The following CLTCL1 variants were observed in gnomAD, a reference collection of about 807,000 sequenced individuals.
CLTCL1 encodes clathrin heavy chain 2.
In CLTCL1, 159 loss-of-function variants were observed where a neutral mutation model predicts 190.0. That is an observed-to-expected ratio of 0.84 (90% CI 0.74 to 0.95). The LOEUF is 0.95. Ranked by LOEUF, CLTCL1 falls within the 40% of genes least tolerant of loss-of-function variation. The pLI is 0.00. For missense variants in CLTCL1, 1,878 were observed against 2,033.4 expected, an observed-to-expected ratio of 0.92 and a Z score of 1.47; for synonymous variants, 752 against 769.6, an observed-to-expected ratio of 0.98 and a Z score of 0.38.
rs202057060 is a variant in CLTCL1, at chr22:19,275,649, G to C, written c.224C>G (p.Pro75Arg). ...PISAESAIMN[P>R]ASKVIALKAG... ...TTTCAGAGCTATCACCTTAGAGGCT[G>C]GATTCATGATGGCACTCTCTGCAGA... is the stretch of plus-strand genomic sequence containing the variant. Residue 75 changes from proline (P) to arginine (R), a missense_variant, in exon 2 of 33, where the codon CCA (proline) becomes CGA (arginine). Coordinates refer to ENST00000427926, the MANE Select transcript of CLTCL1 (RefSeq NM_007098.4). 1.1e-5 allele frequency: 18 copies of C among 1,605,970 alleles called. No homozygotes were observed. Among genetic ancestry groups the C allele is most frequent in the Non-Finnish European group, 1.7e-6 (2 of 1,176,134 alleles).
rs1204022085 is a variant in CLTCL1 at position 19,264,792 on chromosome 22, A to AT, written c.251-10566dup. ...CAACTCAATGGTGAAATTTCATGCA[A>AT]TTTTTTTTTTTTTGAGACAGAGTTT... On this transcript the variant is annotated intron_variant, in intron 2 of 32. Coordinates refer to ENST00000427926, the MANE Select transcript of CLTCL1 (RefSeq NM_007098.4). Among the ~76,000 whole-genome samples, 1,280 of 145,874 alleles carry AT rather than the reference A, an allele frequency of 8.8e-3. 17 individuals are homozygous for AT. The highest frequency in any genetic ancestry group is 0.076 in the East Asian group (381 of 5,032).
At chr22:19,200,380 G>A (rs1385007226) in intron 23 of CLTCL1, among the ~76,000 whole-genome samples, 1 of 152,184 alleles carries the variant, frequency 6.6e-6, no homozygotes, top group Non-Finnish European at 1.5e-5. Flanking sequence ...TGTTTCCTAT[G>A]TGTGATGCAT....
intron 22 of CLTCL1, among the ~76,000 whole-genome samples, chr22:19,206,403 G>A (rs1555942744): frequency 1.3e-5 from 2 of 151,706 alleles, no homozygotes; most frequent in Non-Finnish European, 2.9e-5. Flanking sequence ...CCACACACTC[G>A]GCTAATATTT....
At chr22:19,236,215 G>T (rs2086077915) in intron 5 of CLTCL1, among the ~76,000 whole-genome samples, 1 of 152,184 alleles carries the variant, frequency 6.6e-6, no homozygotes, top group Non-Finnish European at 1.5e-5. Flanking sequence ...ACTTGATTGA[G>T]AATTAGTTTT....
intron 15 of CLTCL1, among the ~76,000 whole-genome samples, chr22:19,222,382 G>A (rs1364174703): frequency 6.6e-6 from 1 of 152,194 alleles, no homozygotes; most frequent in Non-Finnish European, 1.5e-5. Flanking sequence ...CAGAGGAAAG[G>A]CCCTGTGAGG....
chr22:19,265,751 T>C (rs9605972), intron 2 of CLTCL1, among the ~76,000 whole-genome samples: 57,948 of 152,074 alleles, frequency 0.38, 11,269 homozygotes, highest in East Asian at 0.48. Flanking sequence ...AGAATTAAAA[T>C]GGTATGCTAC....
At chr22:19,291,101 G>A (rs1193250798) in intron 1 of CLTCL1, among the ~76,000 whole-genome samples, 1 of 152,236 alleles carries the variant, frequency 6.6e-6, no homozygotes, top group Non-Finnish European at 1.5e-5. Context: ...TTACTGCATT[G>A]AAAAGCCCTA....
rs2085660898 is a variant in CLTCL1, at chr22:19,224,040, G to A, written c.2143C>T (p.Leu715=). Residue 715 remains leucine (L), a synonymous_variant, in exon 14 of 33, where the codon CTG becomes TTG. Coordinates refer to ENST00000427926, the MANE Select transcript of CLTCL1 (RefSeq NM_007098.4). ...FKSYKGLFYF[L]GSIVNFSQDP... ...TGGCTGAAGTTCACGATTGAGCCCA[G>A]GAAGTAGAAGAGGCCTATGAAGAGA... is the stretch of plus-strand genomic sequence containing the variant. 1 of 1,613,874 alleles carries A rather than the reference G, an allele frequency of 6.2e-7. No homozygotes were observed. Among genetic ancestry groups the A allele is most frequent in the Non-Finnish European group, 8.5e-7 (1 of 1,179,890 alleles).
intron 3 of CLTCL1, among the ~76,000 whole-genome samples, chr22:19,249,342 G>C (rs1401994077): frequency 1.3e-5 from 2 of 152,130 alleles, no homozygotes; most frequent in East Asian, 1.9e-4. Flanking sequence ...CTCAGCGACA[G>C]AGCAAGACCC....
At chr22:19,290,606 A>T (rs2088075518) in intron 1 of CLTCL1, among the ~76,000 whole-genome samples, 1 of 152,166 alleles carries the variant, frequency 6.6e-6, no homozygotes, top group South Asian at 2.1e-4. Flanking sequence ...TCAAGTTTCC[A>T]GTCTGCAGAA....
intron 1 of CLTCL1, among the ~76,000 whole-genome samples, chr22:19,282,376 G>T (rs1275326143): frequency 4.7e-5 from 7 of 150,140 alleles, no homozygotes; most frequent in African/African-American, 1.7e-4. Flanking sequence ...AGTGGGTCAC[G>T]CTTGTAATCC....
intron 3 of CLTCL1, among the ~76,000 whole-genome samples, chr22:19,253,311 G>A (rs932168331): frequency 3.3e-4 from 50 of 152,122 alleles, no homozygotes; most frequent in African/African-American, 1.2e-3. Context: ...GGCAGTGTGT[G>A]CAATTACCAA....
chr22:19,183,888 C>CA, intron 29 of CLTCL1: 1 of 483,816 alleles, frequency 2.1e-6, no homozygotes, highest in Non-Finnish European at 3.8e-6. Context: ...AGAGGGCGTG[C>CA]ACAGGCTGCT....
At chr22:19,181,456 A>T (rs2084134773) in intron 30 of CLTCL1, 1 of 152,392 alleles carries the variant, frequency 6.6e-6, no homozygotes, top group Non-Finnish European at 1.5e-5. Flanking sequence ...AAGAGAAATA[A>T]GAATGTGCCC....
At chr22:19,243,984 A>G (rs1251194957) in intron 3 of CLTCL1, among the ~76,000 whole-genome samples, 2 of 152,174 alleles carry the variant, frequency 1.3e-5, no homozygotes, top group Non-Finnish European at 2.9e-5. Flanking sequence ...GGCTTGAGCC[A>G]CCATGCCCAG....
At chr22:19,183,773 T>C in intron 29 of CLTCL1, 162 bp from the exon 30 acceptor site, 1 of 682,512 alleles carries the variant, frequency 1.5e-6, no homozygotes, top group Non-Finnish European at 2.5e-6. Context: ...TATGCCCTGC[T>C]GCCCACTGGT....
At chr22:19,189,723 T>C (rs2084428333) in intron 27 of CLTCL1, among the ~76,000 whole-genome samples, 1 of 152,248 alleles carries the variant, frequency 6.6e-6, no homozygotes, top group Non-Finnish European at 1.5e-5. Flanking sequence ...TTCCTGTTAA[T>C]ATATGGATAT....
intron 9 of CLTCL1, 123 bp downstream of exon 9, chr22:19,233,043 C>G: frequency 2.0e-6 from 2 of 1,006,770 alleles, no homozygotes; most frequent in Non-Finnish European, 2.9e-6. Flanking sequence ...ATCCTAACAG[C>G]AACATTGCCA....
At chr22:19,262,692 T>C (rs1219783124) in intron 2 of CLTCL1, among the ~76,000 whole-genome samples, 4 of 149,748 alleles carry the variant, frequency 2.7e-5, no homozygotes, top group Non-Finnish European at 5.9e-5. Context: ...CTGTGATCAA[T>C]CAGCAGCCAT....
Sources: gnomAD v4.1 joint callset for allele counts (sites outside exome capture counted in the v4.1 genomes callset) on GRCh38, gnomAD v4.1.1 for gene constraint, MANE v1.5 for transcripts, NCBI Gene and HGNC (gene_info 2026-07-23, HGNC 2026-07-21) for gene names.